Variants in PRKCE observed in about 807,000 individuals in gnomAD.
The protein encoded by PRKCE is protein kinase C epsilon type.
In PRKCE, 16 loss-of-function variants were observed where a neutral mutation model predicts 85.4. The observed-to-expected ratio is 0.19, with a 90% confidence interval of 0.13 to 0.28. The LOEUF is 0.28. Ranked by LOEUF, PRKCE falls within the 10% of genes least tolerant of loss-of-function variation. The pLI is 1.00. For missense variants in PRKCE, 573 were observed against 975.2 expected (o/e 0.59, Z 5.49); for synonymous variants, 388 against 371.5 (o/e 1.04, Z -0.51).
At chr2:46,067,401 T>G (rs1466272047) in intron 10 of PRKCE, among the ~76,000 whole-genome samples, 2 of 152,180 alleles carry the variant, frequency 1.3e-5, no homozygotes, top group East Asian at 3.8e-4. Flanking sequence ...GAGAGGCAGT[T>G]TTGGCGCTAC....
At chr2:46,000,290 C>T (rs1704568747) in intron 6 of PRKCE, among the ~76,000 whole-genome samples, 2 of 138,682 alleles carry the variant, frequency 1.4e-5, no homozygotes, top group South Asian at 4.8e-4. Context: ...TTACATAGAG[C>T]TGTGATTAGG....
intron 11 of PRKCE, among the ~76,000 whole-genome samples, chr2:46,133,622 G>T (rs556564301): frequency 6.6e-6 from 1 of 152,196 alleles, no homozygotes; most frequent in East Asian, 1.9e-4. Context: ...CCATCATTTC[G>T]TTCTGACATT....
At chr2:46,150,898 C>A in intron 12 of PRKCE, 143 bp from the exon 13 acceptor site, 1 of 647,950 alleles carries the variant, frequency 1.5e-6, no homozygotes, top group Non-Finnish European at 2.5e-6. Flanking sequence ...ACTGAATTTG[C>A]TGATTTAGAA....
intron 2 of PRKCE, among the ~76,000 whole-genome samples, chr2:45,870,820 A>G (rs1183544886): frequency 6.6e-6 from 1 of 152,162 alleles, no homozygotes; most frequent in African/African-American, 2.4e-5. Flanking sequence ...CTTCGCTTGT[A>G]GTGGTCAAAC....
intron 10 of PRKCE, among the ~76,000 whole-genome samples, chr2:46,020,412 A>AT (rs906456382): frequency 1.1e-4 from 16 of 148,328 alleles, no homozygotes; most frequent in East Asian, 3.9e-4. Context: ...GTGAGTCTTG[A>AT]TTTTTTTTTT....
intron 1 of PRKCE, among the ~76,000 whole-genome samples, chr2:45,775,179 T>G (rs932291740): frequency 2.6e-5 from 4 of 152,186 alleles, no homozygotes; most frequent in African/African-American, 9.6e-5. Flanking sequence ...CATTTGCTCA[T>G]AAGGAACTAA....
intron 14 of PRKCE, chr2:46,168,013 A>T (rs982204696): frequency 3.3e-5 from 5 of 152,102 alleles, no homozygotes; most frequent in African/African-American, 1.2e-4. Context: ...GATTGCAGGA[A>T]TTTTGCCATT....
At chr2:46,109,574 T>A (rs577147390) in intron 11 of PRKCE, among the ~76,000 whole-genome samples, 2 of 152,160 alleles carry the variant, frequency 1.3e-5, no homozygotes, top group Non-Finnish European at 2.9e-5. Flanking sequence ...ACCATTCTAT[T>A]ATGTTTATTA....
At chr2:45,884,997 A>ATTT (rs1360794938) in intron 2 of PRKCE, among the ~76,000 whole-genome samples, 1 of 69,628 alleles carries the variant, frequency 1.4e-5, no homozygotes, top group East Asian at 5.9e-4. Flanking sequence ...ATATATATAT[A>ATTT]TATATTTGTT....
intron 8 of PRKCE, among the ~76,000 whole-genome samples, chr2:46,005,670 C>T (rs1314384131): frequency 6.6e-6 from 1 of 152,150 alleles, no homozygotes; most frequent in Middle Eastern, 3.2e-3. Context: ...ACCACCATGA[C>T]CCAGACCTTC....
intron 2 of PRKCE, among the ~76,000 whole-genome samples, chr2:45,874,771 T>G (rs1040478427): frequency 3.9e-5 from 6 of 152,198 alleles, no homozygotes; most frequent in African/African-American, 1.4e-4. Flanking sequence ...GGATTCTTGC[T>G]TCCTGCTTCC....
intron 11 of PRKCE, among the ~76,000 whole-genome samples, chr2:46,132,733 G>T (rs773716273): frequency 6.6e-6 from 1 of 152,168 alleles, no homozygotes; most frequent in Non-Finnish European, 1.5e-5. Flanking sequence ...TTTCTTAGCC[G>T]TTGGAAAGCA....
intron 2 of PRKCE, among the ~76,000 whole-genome samples, chr2:45,974,261 T>C (rs897209363): frequency 6.6e-6 from 1 of 152,268 alleles, no homozygotes; most frequent in Non-Finnish European, 1.5e-5. Flanking sequence ...CAGCTGTGTG[T>C]GTTGCTGTCT....
At chr2:45,757,108 A>C (rs1684067173) in intron 1 of PRKCE, among the ~76,000 whole-genome samples, 3 of 151,938 alleles carry the variant, frequency 2.0e-5, no homozygotes, top group Admixed American at 1.3e-4. Context: ...AAAATTAGCC[A>C]GGCTAATTTA....
In PRKCE at chr2:45,857,298, A is replaced by T. The variant is rs72872482; in HGVS notation, c.412+14235A>T. 8.8e-3 allele frequency among the ~76,000 whole-genome samples: 1,348 copies of T among 152,338 alleles called. 22 individuals are homozygous for T. Among genetic ancestry groups the T allele is most frequent in the African/African-American group, 0.031 (1,289 of 41,568 alleles). On this transcript the variant is annotated intron_variant, in intron 2 of 14. Transcript: ENST00000306156. ...GGAGGATTCCATTACCAGAAAACTA[A>T]AATGCATTACAAAATCCCCTCACTA...
chr2:45,671,994 T>A (rs1373251376), intron 1 of PRKCE, among the ~76,000 whole-genome samples: 1 of 141,284 alleles, frequency 7.1e-6, no homozygotes, highest in Non-Finnish European at 1.5e-5. Flanking sequence ...GCCTAAAAGG[T>A]CAAAGGTACA....
intron 2 of PRKCE, among the ~76,000 whole-genome samples, chr2:45,885,002 T>TTTTTTTGTTGTTG (rs375477829): frequency 1.0e-5 from 1 of 97,642 alleles, no homozygotes; most frequent in Non-Finnish European, 2.1e-5. Context: ...TATATATATA[T>TTTTTTTGTTGTTG]TTGTTGTTGT....
intron 14 of PRKCE, among the ~76,000 whole-genome samples, chr2:46,179,313 G>T (rs528487184): frequency 7.9e-5 from 12 of 152,238 alleles, no homozygotes; most frequent in African/African-American, 2.6e-4. Context: ...GTGCTGGCCA[G>T]ACAGGAAGTA....
At chr2:46,011,831 T>C (rs1457814095) in intron 10 of PRKCE, among the ~76,000 whole-genome samples, 1 of 152,180 alleles carries the variant, frequency 6.6e-6, no homozygotes, top group Non-Finnish European at 1.5e-5. Flanking sequence ...GGAACCCTGA[T>C]CCAGTGGAAT....
Sources: allele counts gnomAD v4.1 joint callset (sites outside exome capture counted in the v4.1 genomes callset), GRCh38; gene constraint gnomAD v4.1.1; transcripts MANE v1.5; gene names NCBI Gene and HGNC (gene_info 2026-07-23, HGNC 2026-07-21).